NCOA6: variants seen among roughly 807,000 people sequenced by gnomAD.
NCOA6 encodes the protein nuclear receptor coactivator 6.
Under a neutral mutation model 171.4 loss-of-function variants are expected in NCOA6, and 49 were observed. The ratio of observed to expected loss-of-function variants is 0.29; its 90% confidence interval spans 0.23 to 0.36. The LOEUF (loss-of-function observed/expected upper bound fraction) is 0.36, where lower values mean the gene tolerates loss of function less well. NCOA6 is among the 10% of genes least tolerant of loss of function. The probability of loss-of-function intolerance (pLI) is 1.00; values close to 1 mark genes in which losing one functional copy is unlikely to be tolerated. For synonymous variants in NCOA6, 910 were observed against 927.5 expected, an observed-to-expected ratio of 0.98 and a Z score of 0.34; for missense variants, 2,248 against 2,554.5, an observed-to-expected ratio of 0.88 and a Z score of 2.59.
At chr20:34,732,521 C>T in intron 13 of NCOA6, 38 bp downstream of exon 13, 1 of 1,601,148 alleles carries the variant, frequency 6.2e-7, no homozygotes, top group Non-Finnish European at 8.6e-7. Context: ...GAGGCTTATG[C>T]TGTGTTCATG....
Position 34,715,278 on chromosome 20 carries a change from A to G in NCOA6, c.*44T>C, listed in dbSNP as rs1402700427. 6.2e-7 allele frequency: 1 copy of G among 1,613,226 alleles called. No individual in the cohort carries two copies. On this transcript the variant is annotated 3_prime_UTR_variant, in exon 15 of 15. Transcript: ENST00000359003. Reference sequence around the variant, plus strand: ...TCACAGCTCAAAATTGCTCTTTGTAAAAGTCACACACATTTCCAAGTATCA... The same window carrying G: ...TCACAGCTCAAAATTGCTCTTTGTAGAAGTCACACACATTTCCAAGTATCA...
intron 4 of NCOA6, among the ~76,000 whole-genome samples, chr20:34,776,022 A>G (rs1383151905): frequency 1.3e-5 from 2 of 152,240 alleles, no homozygotes; most frequent in Admixed American, 1.3e-4. Context: ...CAGGATGCCA[A>G]TAAAATCAAA....
At chr20:34,750,681 A>G (rs2076448532) in intron 8 of NCOA6, among the ~76,000 whole-genome samples, 162 bp from the exon 9 acceptor site, 1 of 152,254 alleles carries the variant, frequency 6.6e-6, no homozygotes, top group African/African-American at 2.4e-5. Context: ...TCTAAACTAC[A>G]AAGATGTGGC....
rs538653773 is a variant in NCOA6, at chr20:34,770,120, A to G, written c.392-1534T>C. Among the ~76,000 whole-genome samples the G allele has an allele frequency of 8.6e-5, 13 of 150,306 alleles. 1 individual carries two copies. In the South Asian group the frequency reaches 2.7e-3, roughly 32 times the overall value. ...AGTGGTGCAATCTCGGCTCACTGCC[A>G]TCTCCACCTCCCAGGTTCAAGCGAT... On this transcript the variant is annotated intron_variant, in intron 4 of 14. Transcript: ENST00000359003.
intron 3 of NCOA6, among the ~76,000 whole-genome samples, chr20:34,781,088 T>C (rs1349466406): frequency 6.6e-6 from 1 of 152,232 alleles, no homozygotes; most frequent in Admixed American, 6.5e-5. Context: ...ATAACTATGA[T>C]TATGGTTACA....
At chr20:34,801,817 A>T (rs2078265719) in intron 1 of NCOA6, among the ~76,000 whole-genome samples, 1 of 152,162 alleles carries the variant, frequency 6.6e-6, no homozygotes, top group Non-Finnish European at 1.5e-5. Context: ...ATGAGCCGAG[A>T]TTGCATCAAT....
At position 34,776,767 on chromosome 20, in the gene NCOA6, C is replaced by T. The variant is rs1021120500; in HGVS notation, c.236-319G>A. 8.6e-5 allele frequency: 42 copies of T among 486,744 alleles called. No homozygotes were observed. The Admixed American group carries it at 9.5e-4, about 11-fold the overall frequency. The allele number at this position is 486,744 out of a possible 1,614,324, so 30.2% of individuals were successfully genotyped here. ...AAAATCTAGCATAGTACCTGGCACA[C>T]CACAGGCAATGAACGGAAAGCCGTA... is the stretch of plus-strand genomic sequence containing the variant. On this transcript the variant is annotated intron_variant, in intron 3 of 14. Coordinates refer to ENST00000359003, the MANE Select transcript of NCOA6 (RefSeq NM_014071.5).
At position 34,757,850 on chromosome 20, in the gene NCOA6, G is replaced by T. The variant is rs758711334; in HGVS notation, c.898C>A (p.Gln300Lys). 6.2e-7 allele frequency: 1 copy of T among 1,614,164 alleles called. No homozygotes were observed. The part of the protein sequence containing the change: ...PPQQHQQQQP[Q>K]GIRPQFTAPT... ...GCAGTAAACTGGGGTCGAATTCCCT[G>T]TGGCTGTTGCTGCTGATGTTGCTGT... The change falls in exon 7 of 15, where the codon CAG becomes AAG. Residue 300 changes from glutamine (Q) to lysine (K), a missense_variant. Gln to Lys is a moderately conservative substitution (Grantham distance 53, BLOSUM62 1). This residue lies in a region of NCOA6 where 987 missense variants were observed against 1,104.7 expected (regional missense o/e 0.89). Transcript: ENST00000359003.
rs750527661 is a variant in NCOA6, at chr20:34,782,382, C to T, written c.-27G>A. On this transcript the variant is annotated 5_prime_UTR_variant, in exon 3 of 15. Transcript: ENST00000359003. ...GTGAATATTATTCCAGAAGCATATG[C>T]CAAGAGGACAATAAGAAAACTTCTG... The T allele has an allele frequency of 3.5e-6, 5 of 1,417,676 alleles. No individual in the cohort carries two copies. In the South Asian group the frequency reaches 5.2e-5, roughly 15 times the overall value. 87.8% of individuals were successfully genotyped at this position (1,417,676 alleles called of 1,614,324 possible).
intron 4 of NCOA6, 107 bp downstream of exon 4, chr20:34,776,186 T>C (rs776405453): frequency 3.5e-4 from 489 of 1,408,346 alleles, no homozygotes; most frequent in Non-Finnish European, 4.5e-4. Flanking sequence ...TGCTTGGCAT[T>C]CTGAAACACA....
intron 4 of NCOA6, among the ~76,000 whole-genome samples, chr20:34,769,270 A>T (rs1023146919): frequency 2.0e-5 from 3 of 152,020 alleles, no homozygotes; most frequent in Admixed American, 2.0e-4. Context: ...ATAGCTCACC[A>T]CTACCTTAAA....
At chr20:34,817,774 G>T (rs1424697339) in intron 1 of NCOA6, among the ~76,000 whole-genome samples, 1 of 152,180 alleles carries the variant, frequency 6.6e-6, no homozygotes, top group African/African-American at 2.4e-5. Context: ...ACCCAATCTA[G>T]TGAGAAGTAA....
At chr20:34,762,522 AT>A (rs1308123255) in intron 5 of NCOA6, among the ~76,000 whole-genome samples, 2 of 151,092 alleles carry the variant, frequency 1.3e-5, no homozygotes, top group Non-Finnish European at 3.0e-5. Context: ...TACTGGATTA[AT>A]TTTTTTTCAT....
intron 1 of NCOA6, among the ~76,000 whole-genome samples, chr20:34,807,089 T>C (rs556558317): frequency 4.6e-5 from 7 of 152,344 alleles, no homozygotes; most frequent in Non-Finnish European, 8.8e-5. Context: ...TGCCACTCCA[T>C]GATTATAAAA....
At chr20:34,812,233 C>A (rs1307424784) in intron 1 of NCOA6, among the ~76,000 whole-genome samples, 1 of 149,822 alleles carries the variant, frequency 6.7e-6, no homozygotes, top group East Asian at 2.0e-4. Context: ...AGTGTGGCGA[C>A]AGATGGAGAC....
rs1988356513 is a variant in NCOA6 at position 34,714,978 on chromosome 20, G to C, written c.*344C>G. On this transcript the variant is annotated 3_prime_UTR_variant, in exon 15 of 15. Transcript: ENST00000359003. ...CCCCCACTACTGCTATTCACACACA[G>C]TACTTCCACGGCACAATACATCATT... The C allele has an allele frequency of 5.0e-6, 1 of 200,780 alleles. No individual in the cohort carries two copies. Among genetic ancestry groups the C allele is most frequent in the Admixed American group, 7.0e-5 (1 of 14,232 alleles). 12.4% of individuals were successfully genotyped at this position (200,780 alleles called of 1,614,324 possible).
intron 4 of NCOA6, among the ~76,000 whole-genome samples, chr20:34,773,017 C>T (rs2077197797): frequency 1.3e-5 from 2 of 152,172 alleles, no homozygotes; most frequent in African/African-American, 4.8e-5. Context: ...GAGAACACTA[C>T]CGGCTCCCAA....
At position 34,757,448 on chromosome 20, in the gene NCOA6, A is replaced by G; in HGVS notation, c.1300T>C (p.Ser434Pro). 6.2e-7 allele frequency: 1 copy of G among 1,613,642 alleles called. No individual in the cohort carries two copies. The highest frequency in any genetic ancestry group is 8.5e-7 in the Non-Finnish European group (1 of 1,179,730). Residue 434 changes from serine (S) to proline (P), a missense_variant, in exon 7 of 15, where the codon TCC becomes CCC. Physicochemically the swap from Ser to Pro is moderately conservative, Grantham distance 74. Around this residue, in one of 7 missense-constraint regions of NCOA6, gnomAD observed 987 missense variants for 1,104.7 expected, o/e 0.89. Transcript: ENST00000359003. The stretch of plus-strand genomic sequence containing the variant: ...GATGCAGGGGATCCCTGCTGGAAGG[A>G]GGAGGGTGAGGAGGCAGGAGACTTG... ...TNKSPASSPS[S>P]FQQGSPASSP... is the part of the protein sequence containing the mutation.
At chr20:34,720,043 G>T (rs1215151741) in intron 14 of NCOA6, among the ~76,000 whole-genome samples, 1 of 152,146 alleles carries the variant, frequency 6.6e-6, no homozygotes, top group Non-Finnish European at 1.5e-5. Context: ...ATTACAGATT[G>T]CTCTGAACTT....
Sources: gnomAD v4.1 joint callset for allele counts (sites outside exome capture counted in the v4.1 genomes callset) on GRCh38, gnomAD v4.1.1 for gene constraint, gnomAD v4.1.1 regional missense constraint, MANE v1.5 for transcripts, NCBI Gene and HGNC (gene_info 2026-07-23, HGNC 2026-07-21) for gene names.